Variants in ZFPM2 observed in about 807,000 individuals in gnomAD.
ZFPM2 encodes the protein zinc finger protein, FOG family member 2.
ZFPM2 carries 20 observed loss-of-function variants against 98.6 expected under a neutral mutation model. The ratio of observed to expected loss-of-function variants is 0.20; its 90% CI spans 0.14 to 0.29. The LOEUF (loss-of-function observed/expected upper bound fraction) is 0.29. ZFPM2 is among the 10% of genes least tolerant of loss of function. The pLI, the probability that ZFPM2 is intolerant of heterozygous loss-of-function variation, is 1.00. For missense variants in ZFPM2, 1,310 were observed against 1,388.6 expected (o/e 0.94, Z 0.90); for synonymous variants, 518 against 502.7 (o/e 1.03, Z -0.41).
chr8:105,743,895 C>T (rs1437508170), intron 5 of ZFPM2, among the ~76,000 whole-genome samples: 1 of 152,034 alleles, frequency 6.6e-6, no homozygotes, highest in Non-Finnish European at 1.5e-5. Context: ...TCTCTTATCA[C>T]TCTTTATTTA....
intron 5 of ZFPM2, among the ~76,000 whole-genome samples, chr8:105,639,348 T>C (rs1180488384): frequency 1.3e-5 from 2 of 152,054 alleles, no homozygotes; most frequent in Non-Finnish European, 2.9e-5. Flanking sequence ...CGGGAATAAT[T>C]ACATTATTTA....
chr8:105,628,301 T>C (rs1816695651), intron 4 of ZFPM2, among the ~76,000 whole-genome samples: 1 of 152,212 alleles, frequency 6.6e-6, no homozygotes, highest in African/African-American at 2.4e-5. Context: ...ATTCAGGATA[T>C]GATGTATCTG....
chr8:105,760,977 T>A (rs1483405554), intron 5 of ZFPM2, among the ~76,000 whole-genome samples: 1 of 152,000 alleles, frequency 6.6e-6, no homozygotes, highest in Admixed American at 6.6e-5. Flanking sequence ...CCATGGAGTT[T>A]CAGAGAGAAT....
chr8:105,723,440 C>T (rs867201115), intron 5 of ZFPM2, among the ~76,000 whole-genome samples: 1 of 151,806 alleles, frequency 6.6e-6, no homozygotes, highest in African/African-American at 2.4e-5. Flanking sequence ...TATGACCCCT[C>T]GATCTAAAGA....
rs1487284876 is a variant in ZFPM2 at position 105,691,384 on chromosome 8, G to A, written c.532+57027G>A. On this transcript the variant is annotated intron_variant, in intron 5 of 7. Coordinates refer to ENST00000407775, the MANE Select transcript of ZFPM2 (RefSeq NM_012082.4). ...CTGCCTCAGCCTCCCGAGTAGCCGGGACTACGGGCGCCCGCCACCGCGCCC... is the reference window on the plus strand; with the variant it reads ...CTGCCTCAGCCTCCCGAGTAGCCGGAACTACGGGCGCCCGCCACCGCGCCC... Among the ~76,000 whole-genome samples, 6 of 142,734 alleles carry A rather than the reference G, an allele frequency of 4.2e-5. 2 individuals are homozygous for A. The highest frequency in any genetic ancestry group is 1.6e-4 in the African/African-American group (6 of 36,846). 93.6% of individuals were successfully genotyped at this position (142,734 alleles called of 152,430 possible). A position where few individuals can be genotyped will look rare whatever the true frequency, so the allele number is the denominator to read the frequency against.
intron 3 of ZFPM2, among the ~76,000 whole-genome samples, chr8:105,474,063 G>A (rs867266297): frequency 1.3e-5 from 2 of 152,202 alleles, no homozygotes; most frequent in Non-Finnish European, 1.5e-5. Context: ...ATTTATATTA[G>A]ATTATGATGA....
At chr8:105,615,060 T>C (rs901190498) in intron 4 of ZFPM2, among the ~76,000 whole-genome samples, 9 of 152,124 alleles carry the variant, frequency 5.9e-5, no homozygotes, top group African/African-American at 2.2e-4. Context: ...GTTCCATGTG[T>C]CTTGTATGGT....
chr8:105,413,065 A>AT (rs943151357), intron 1 of ZFPM2, among the ~76,000 whole-genome samples: 3 of 151,786 alleles, frequency 2.0e-5, no homozygotes, highest in African/African-American at 4.8e-5. Context: ...GAGTCGGGTT[A>AT]TTTTTTTCCC....
intron 4 of ZFPM2, among the ~76,000 whole-genome samples, chr8:105,625,185 T>G (rs1816628718): frequency 6.6e-6 from 1 of 152,210 alleles, no homozygotes; most frequent in African/African-American, 2.4e-5. Flanking sequence ...TCACATATTT[T>G]CTAATTTAGG....
intron 4 of ZFPM2, among the ~76,000 whole-genome samples, chr8:105,576,080 A>C (rs1293332167): frequency 6.6e-6 from 1 of 152,210 alleles, no homozygotes; most frequent in Admixed American, 6.5e-5. Flanking sequence ...TAGGACAGCT[A>C]AAATAAAATC....
In ZFPM2 at chr8:105,801,777, G is replaced by A. The variant is rs1484258266; in HGVS notation, c.1695G>A (p.Val565=). Residue 565 remains valine (V), a synonymous_variant, in exon 8 of 8, where the codon GTG becomes GTA. Transcript: ENST00000407775. ...TCAATAATTTGGATAATTATCTAGT[G>A]CACAAAAAGCATTATTGCAGCAGCC... ...ITFNNLDNYL[V]HKKHYCSSRW... 2.3e-5 allele frequency: 37 copies of A among 1,613,882 alleles called. No individual in the cohort carries two copies. Among genetic ancestry groups the A allele is most frequent in the Non-Finnish European group, 3.1e-5 (36 of 1,179,868 alleles).
At chr8:105,662,298 A>G (rs771421488) in intron 5 of ZFPM2, 2 of 152,064 alleles carry the variant, frequency 1.3e-5, no homozygotes, top group Non-Finnish European at 2.9e-5. Context: ...AGAAGGGGGC[A>G]TTTTTACATT....
intron 3 of ZFPM2, among the ~76,000 whole-genome samples, chr8:105,481,938 AC>A (rs1451445386): frequency 6.6e-6 from 1 of 152,212 alleles, no homozygotes; most frequent in East Asian, 1.9e-4. Flanking sequence ...TTTGAATTTG[AC>A]TTCTGAGTAA....
chr8:105,527,510 G>A (rs1367110977), intron 3 of ZFPM2, among the ~76,000 whole-genome samples: 1 of 152,204 alleles, frequency 6.6e-6, no homozygotes, highest in Non-Finnish European at 1.5e-5. Context: ...TAAGTTGTGC[G>A]TTGAAACTCA....
chr8:105,695,363 G>T (rs1810991355), intron 5 of ZFPM2, among the ~76,000 whole-genome samples: 1 of 149,686 alleles, frequency 6.7e-6, no homozygotes, highest in Non-Finnish European at 1.5e-5. Context: ...TTTAAGTCAG[G>T]CAAGAATGGT....
At chr8:105,497,069 T>C (rs1272688668) in intron 3 of ZFPM2, among the ~76,000 whole-genome samples, 1 of 148,452 alleles carries the variant, frequency 6.7e-6, no homozygotes, top group Non-Finnish European at 1.5e-5. Flanking sequence ...CACTGTGAGC[T>C]CCGCCTCCAG....
chr8:105,745,402 C>A (rs1230363742), intron 5 of ZFPM2, among the ~76,000 whole-genome samples: 1 of 152,066 alleles, frequency 6.6e-6, no homozygotes, highest in African/African-American at 2.4e-5. Flanking sequence ...CATGTTGTAA[C>A]TGTACTTAAT....
chr8:105,636,609 T>C (rs1232734630), intron 5 of ZFPM2, among the ~76,000 whole-genome samples: 2 of 152,182 alleles, frequency 1.3e-5, no homozygotes, highest in South Asian at 2.1e-4. Flanking sequence ...AGGGCACAGA[T>C]TGTGTCTTAG....
chr8:105,648,235 T>A (rs1817092561), intron 5 of ZFPM2, among the ~76,000 whole-genome samples: 1 of 152,212 alleles, frequency 6.6e-6, no homozygotes, highest in Non-Finnish European at 1.5e-5. Context: ...GTTTGCTTTT[T>A]TCTTGTAAAT....
Sources: gnomAD v4.1 joint callset for allele counts (sites outside exome capture counted in the v4.1 genomes callset) on GRCh38, gnomAD v4.1.1 for gene constraint, MANE v1.5 for transcripts, NCBI Gene and HGNC (gene_info 2026-07-23, HGNC 2026-07-21) for gene names.